The following TMIE variants were observed in gnomAD, a reference collection of about 807,000 sequenced individuals.
TMIE encodes transmembrane inner ear.
In TMIE, 14 loss-of-function variants were observed where a neutral mutation model predicts 16.8. The ratio of observed to expected loss-of-function variants is 0.83; its 90% CI spans 0.55 to 1.30. The LOEUF is 1.30. Among genes scored for constraint, TMIE ranks in the 50% most tolerant of loss-of-function variants. TMIE has a pLI of 0.00. For missense variants in TMIE, 204 were observed against 205.9 expected (o/e 0.99, Z 0.06); for synonymous variants, 75 against 87.2 (o/e 0.86, Z 0.78).
chr3:46,707,222 A>G (rs6442022), intron 2 of TMIE, among the ~76,000 whole-genome samples: 117,665 of 152,192 alleles, frequency 0.77, 45,703 homozygotes, highest in African/African-American at 0.84. Flanking sequence ...AGCCACAGGC[A>G]CAGCCTAGGA....
Position 46,709,920 on chromosome 3 carries a change from TG to T in TMIE, c.*233del. The T allele has an allele frequency of 1.3e-6, 1 of 757,782 alleles. No individual in the cohort carries two copies. 46.9% of individuals were successfully genotyped at this position (757,782 alleles called of 1,614,324 possible). On this transcript the variant is annotated 3_prime_UTR_variant, in exon 4 of 4. Transcript: ENST00000643606. Reference sequence around the variant, plus strand: ...CCTTTCACCCCATCCACATGGGTACTGTCTCGGCAGAGGTGGTCTGGTGCCA... The same window carrying T: ...CCTTTCACCCCATCCACATGGGTACTTCTCGGCAGAGGTGGTCTGGTGCCA...
rs1386340270 is a variant in TMIE at position 46,710,618 on chromosome 3, A to C, written c.*930A>C. 1 of 152,246 alleles carries C rather than the reference A, an allele frequency of 6.6e-6. No individual in the cohort carries two copies. Among genetic ancestry groups the C allele is most frequent in the East Asian group, 1.9e-4 (1 of 5,194 alleles). The allele number at this position is 152,246 out of a possible 1,614,324, so 9.4% of individuals were successfully genotyped here. On this transcript the variant is annotated 3_prime_UTR_variant, in exon 4 of 4. Coordinates refer to ENST00000643606, the MANE Select transcript of TMIE (RefSeq NM_147196.3). Reference sequence around the variant, plus strand: ...GGGCCTTCTGCCTGCTGACCATAACAGTGCCAGCTTCTTTGCAGCTTCCTC... The same window carrying C: ...GGGCCTTCTGCCTGCTGACCATAACCGTGCCAGCTTCTTTGCAGCTTCCTC...
chr3:46,701,032 C>CG (rs370287421), upstream of TMIE, among the ~76,000 whole-genome samples: 9 of 133,336 alleles, frequency 6.7e-5, no homozygotes, highest in African/African-American at 3.1e-4. The surrounding 1 kb of genome is among the most constrained non-coding windows in gnomAD (Gnocchi z 4.3). Context: ...GCCCGCTCTG[C>CG]CCCCCCCCCA....
chr3:46,708,091 C>T (rs1371767313), intron 2 of TMIE, among the ~76,000 whole-genome samples: 1 of 152,216 alleles, frequency 6.6e-6, no homozygotes, highest in Non-Finnish European at 1.5e-5. Context: ...CTAGTCCAGT[C>T]CTGTTCCCAA....
At chr3:46,709,314 G>A in intron 3 of TMIE, 39 bp downstream of exon 3, 2 of 1,613,570 alleles carry the variant, frequency 1.2e-6, no homozygotes, top group Non-Finnish European at 1.7e-6. Context: ...GCGCCAGCCA[G>A]TTCCTCAGTC....
upstream of TMIE, among the ~76,000 whole-genome samples, chr3:46,698,092 C>T (rs910219786): frequency 3.9e-5 from 6 of 152,052 alleles, no homozygotes; most frequent in South Asian, 2.1e-4. Flanking sequence ...GTCTTGCTTT[C>T]GCCCAGGCTG....
upstream of TMIE, among the ~76,000 whole-genome samples, chr3:46,701,038 C>CA: frequency 6.6e-6 from 1 of 151,934 alleles, no homozygotes; most frequent in African/African-American, 2.4e-5. This position sits in a 1 kb window ranked among gnomAD's most constrained non-coding sequence, Gnocchi z 4.3. Context: ...TCTGCCCCCC[C>CA]CCCAAACTCA....
intron 1 of TMIE, among the ~76,000 whole-genome samples, chr3:46,702,522 C>A (rs548021300): frequency 2.4e-4 from 37 of 152,214 alleles, no homozygotes; most frequent in Non-Finnish European, 4.3e-4. Context: ...AGGGAGAAGG[C>A]CCAGGAGCCA....
chr3:46,694,514 C>T (rs1048620315), upstream of TMIE: 5 of 152,330 alleles, frequency 3.3e-5, no homozygotes, highest in South Asian at 8.3e-4. Flanking sequence ...CCAAGGCGGC[C>T]GTGGAAGAGC....
intron 2 of TMIE, among the ~76,000 whole-genome samples, chr3:46,707,534 C>A (rs72899375): frequency 1.6e-3 from 247 of 152,298 alleles, no homozygotes; most frequent in African/African-American, 5.7e-3. Flanking sequence ...TGGAGCATCA[C>A]CCCCAAAGCC....
Position 46,709,841 on chromosome 3 carries a change from G to A in TMIE, c.*153G>A. Reference sequence around the variant, plus strand: ...TGGCCACATCCTCATGGCCCATCAGGGGCAGGAACCAGACAATCTCGTAGG... The same window carrying A: ...TGGCCACATCCTCATGGCCCATCAGAGGCAGGAACCAGACAATCTCGTAGG... On this transcript the variant is annotated 3_prime_UTR_variant, in exon 4 of 4. Coordinates refer to ENST00000643606, the MANE Select transcript of TMIE (RefSeq NM_147196.3). 6.7e-7 allele frequency: 1 copy of A among 1,487,836 alleles called. No homozygotes were observed. Among genetic ancestry groups the A allele is most frequent in the South Asian group, 1.2e-5 (1 of 81,370 alleles). 92.2% of individuals were successfully genotyped at this position (1,487,836 alleles called of 1,614,324 possible).
upstream of TMIE, among the ~76,000 whole-genome samples, chr3:46,698,641 G>A (rs1013711536): frequency 6.6e-6 from 1 of 152,124 alleles, no homozygotes; most frequent in African/African-American, 2.4e-5. Flanking sequence ...TAGCCCACCT[G>A]AGGGTTCACA....
chr3:46,705,872 T>C lies in TMIE; in HGVS notation c.176T>C (p.Val59Ala). ...VVFWDMRLWH[V>A]VGIFSLFVLS... The stretch of plus-strand genomic sequence containing the variant: ...TTCTGGGACATGCGCCTGTGGCACG[T>C]GGTGGGCATCTTTTCGCTCTTCGTG... Residue 59 changes from valine to alanine, a missense_variant, in exon 2 of 4, where the codon GTG becomes GCG. Transcript: ENST00000643606. The C allele has an allele frequency of 6.2e-7, 1 of 1,614,082 alleles. No individual in the cohort carries two copies. Among genetic ancestry groups the C allele is most frequent in the Admixed American group, 1.7e-5 (1 of 60,024 alleles).
rs1288109257 is a variant in TMIE at position 46,701,865 on chromosome 3, A to C, written c.93+285A>C. On this transcript the variant is annotated intron_variant, in intron 1 of 3. Coordinates refer to ENST00000643606, the MANE Select transcript of TMIE (RefSeq NM_147196.3). This position sits in a 1 kb window ranked among gnomAD's most constrained non-coding sequence, Gnocchi z 4.3. The stretch of plus-strand genomic sequence containing the variant: ...CTTGACCTTAGGGATTCCCAGCCTG[A>C]CTTGGGGACACAGCCCTGCCCAGAC... Among the ~76,000 whole-genome samples the C allele has an allele frequency of 6.6e-6, 1 of 151,890 alleles. No homozygotes were observed. Among genetic ancestry groups the C allele is most frequent in the African/African-American group, 2.4e-5 (1 of 41,312 alleles).
At chr3:46,701,387 G>A, upstream of TMIE, 1 of 920,108 alleles carries the variant, frequency 1.1e-6, no homozygotes, top group Admixed American at 3.4e-5. This position sits in a 1 kb window ranked among gnomAD's most constrained non-coding sequence, Gnocchi z 4.3. Context: ...CTGACTACCC[G>A]TGGCCAAAGC....
At chr3:46,694,323 A>G (rs1223278510), upstream of TMIE, among the ~76,000 whole-genome samples, 1 of 152,126 alleles carries the variant, frequency 6.6e-6, no homozygotes, top group Non-Finnish European at 1.5e-5. Context: ...AAGGCCTGAG[A>G]CCTTGGAAAG....
rs781201832 is a variant in TMIE, at chr3:46,701,591, G to A, written c.93+11G>A. 62 of 1,283,976 alleles carry A rather than the reference G, an allele frequency of 4.8e-5. No individual in the cohort carries two copies. In the African/African-American group the frequency reaches 7.7e-4, roughly 16 times the overall value. The allele number at this position is 1,283,976 out of a possible 1,614,324, so 79.5% of individuals were successfully genotyped here. ...GGGCAGCTGGTGGAGGTGAGGCCGC[G>A]GCACGGAGGGACTGGGGAGGCTGTC... On this transcript the variant is annotated intron_variant, in intron 1 of 3. Transcript: ENST00000643606. This position sits in a 1 kb window ranked among gnomAD's most constrained non-coding sequence, Gnocchi z 4.3.
intron 3 of TMIE, 39 bp from the exon 4 acceptor site, chr3:46,709,540 C>T (rs1195257708): frequency 6.2e-7 from 1 of 1,613,734 alleles, no homozygotes; most frequent in Admixed American, 1.7e-5. Context: ...AGGACCTTGT[C>T]TCACCACTAT....
At chr3:46,695,260 A>T (rs939722537) in intron 1 of TMIE, among the ~76,000 whole-genome samples, 2 of 152,260 alleles carry the variant, frequency 1.3e-5, no homozygotes, top group East Asian at 1.9e-4. Flanking sequence ...CCCTGTGGGG[A>T]TCCTTTGTGC....
Sources: gnomAD v4.1 joint callset for allele counts (sites outside exome capture counted in the v4.1 genomes callset) on GRCh38, gnomAD v4.1.1 for gene constraint, Gnocchi (gnomAD v3.1) non-coding constraint, MANE v1.5 for transcripts, NCBI Gene and HGNC (gene_info 2026-07-23, HGNC 2026-07-21) for gene names.